Variants in ZBTB20 observed in about 807,000 individuals in gnomAD.
ZBTB20 encodes the protein zinc finger and BTB domain containing 20.
In ZBTB20, 9 loss-of-function variants were observed where a neutral mutation model predicts 56.9. That is an observed-to-expected ratio of 0.16 (90% CI 0.10 to 0.28). The LOEUF (loss-of-function observed/expected upper bound fraction) is 0.28. Among genes scored for constraint, ZBTB20 ranks in the 10% least tolerant of loss-of-function variants. ZBTB20 has a pLI of 1.00. For synonymous variants in ZBTB20, 417 were observed against 420.7 expected (o/e 0.99, Z 0.11); for missense variants, 655 against 1,003.0 (o/e 0.65, Z 4.69).
chr3:114,456,122 A>G (rs534571363), intron 7 of ZBTB20, among the ~76,000 whole-genome samples: 1 of 152,212 alleles, frequency 6.6e-6, no homozygotes, highest in African/African-American at 2.4e-5. Context: ...CAATTTCTCA[A>G]AATGTTTAAA....
chr3:114,660,106 T>C (rs1351868864), intron 6 of ZBTB20, among the ~76,000 whole-genome samples: 1 of 152,120 alleles, frequency 6.6e-6, no homozygotes, highest in African/African-American at 2.4e-5. Context: ...CTTGTGCTTG[T>C]TTAAGAAAAT....
At chr3:114,434,428 G>C (rs2090355659) in intron 7 of ZBTB20, among the ~76,000 whole-genome samples, 1 of 152,016 alleles carries the variant, frequency 6.6e-6, no homozygotes, top group African/African-American at 2.4e-5. Context: ...AATAGAATTT[G>C]AATGTCCTGG....
At chr3:114,725,814 C>A (rs531370251) in intron 5 of ZBTB20, among the ~76,000 whole-genome samples, 180 of 152,264 alleles carry the variant, frequency 1.2e-3, no homozygotes, top group Non-Finnish European at 2.0e-3. Flanking sequence ...AAGGCATCAA[C>A]ATGAGAAAAG....
At chr3:114,702,133 T>G (rs1421827588) in intron 5 of ZBTB20, among the ~76,000 whole-genome samples, 1 of 151,234 alleles carries the variant, frequency 6.6e-6, no homozygotes, top group Non-Finnish European at 1.5e-5. Flanking sequence ...AGCCCAGGAG[T>G]TTGAGACCAG....
At chr3:114,516,104 G>C (rs2045960079) in intron 6 of ZBTB20, among the ~76,000 whole-genome samples, 1 of 151,442 alleles carries the variant, frequency 6.6e-6, no homozygotes, top group Non-Finnish European at 1.5e-5. Flanking sequence ...TTAAAGGTCA[G>C]GTTCACTGAG....
At chr3:114,528,747 G>C (rs2047511614) in intron 6 of ZBTB20, 1 of 152,158 alleles carries the variant, frequency 6.6e-6, no homozygotes, top group Non-Finnish European at 1.5e-5. Context: ...TCTGAAATGG[G>C]AGGGTTTTGA....
At position 114,560,807 on chromosome 3, in the gene ZBTB20, C is replaced by T. The variant is rs74726815; in HGVS notation, c.-294-60416G>A. ...GCTGTGGTAATTTCTTAAAATAAGA[C>T]AACAATGAAGTTTGCCACATGATTG... On this transcript the variant is annotated intron_variant, in intron 6 of 11. Transcript: ENST00000675478. Among the ~76,000 whole-genome samples, 202 of 152,188 alleles carry T rather than the reference C, an allele frequency of 1.3e-3. 1 individual carries two copies. Among genetic ancestry groups the T allele is most frequent in the East Asian group, 0.01 (53 of 5,170 alleles).
At chr3:114,905,256 A>G (rs934061179) in intron 3 of ZBTB20, among the ~76,000 whole-genome samples, 1 of 151,950 alleles carries the variant, frequency 6.6e-6, no homozygotes, top group African/African-American at 2.4e-5. Context: ...AATATTAAAA[A>G]TTATATTTTC....
chr3:114,760,670 A>G (rs1263993209), intron 5 of ZBTB20, among the ~76,000 whole-genome samples: 1 of 152,224 alleles, frequency 6.6e-6, no homozygotes, highest in Non-Finnish European at 1.5e-5. Context: ...TATCATCAAA[A>G]AAGCATGCAG....
intron 6 of ZBTB20, among the ~76,000 whole-genome samples, chr3:114,611,472 C>T (rs2057546556): frequency 6.6e-6 from 1 of 152,222 alleles, no homozygotes; most frequent in South Asian, 2.1e-4. Flanking sequence ...TAACAAAGCT[C>T]TCACAGGTTG....
At chr3:114,585,946 G>A (rs970160703) in intron 6 of ZBTB20, among the ~76,000 whole-genome samples, 2 of 152,194 alleles carry the variant, frequency 1.3e-5, no homozygotes, top group South Asian at 2.1e-4. Context: ...GAGCCAAAAC[G>A]TCAGCAGGGC....
intron 6 of ZBTB20, among the ~76,000 whole-genome samples, chr3:114,594,266 C>CTT (rs1001656979): frequency 3.0e-4 from 40 of 132,278 alleles, no homozygotes; most frequent in East Asian, 1.1e-3. Context: ...TTCTCATATT[C>CTT]TTTTTTTTTT....
intron 7 of ZBTB20, among the ~76,000 whole-genome samples, chr3:114,401,362 C>T (rs1188895604): frequency 2.0e-5 from 3 of 152,130 alleles, no homozygotes; most frequent in Admixed American, 6.6e-5. Flanking sequence ...CACTCTTATA[C>T]TGCATAAAAA....
chr3:114,863,571 T>C (rs2075632707), intron 4 of ZBTB20, among the ~76,000 whole-genome samples: 1 of 152,122 alleles, frequency 6.6e-6, no homozygotes, highest in African/African-American at 2.4e-5. Flanking sequence ...GCTAATGACC[T>C]CATTTGAGGT....
At chr3:115,029,087 A>C (rs1398371205) in intron 2 of ZBTB20, among the ~76,000 whole-genome samples, 1 of 150,696 alleles carries the variant, frequency 6.6e-6, no homozygotes. Context: ...ACACACACAC[A>C]CCAAAAACAG....
At chr3:114,633,408 C>T (rs2059074935) in intron 6 of ZBTB20, among the ~76,000 whole-genome samples, 2 of 152,214 alleles carry the variant, frequency 1.3e-5, no homozygotes, top group Admixed American at 6.5e-5. Flanking sequence ...TCTTTCACTA[C>T]AATTTTTTTT....
chr3:114,511,981 T>C (rs931568394), intron 6 of ZBTB20, among the ~76,000 whole-genome samples: 2 of 152,026 alleles, frequency 1.3e-5, no homozygotes, highest in Non-Finnish European at 1.5e-5. Flanking sequence ...CTGAAAAAAA[T>C]AGGGTTGTTG....
At chr3:115,140,200 T>A (rs1274605190) in intron 1 of ZBTB20, among the ~76,000 whole-genome samples, 1 of 152,086 alleles carries the variant, frequency 6.6e-6, no homozygotes, top group Non-Finnish European at 1.5e-5. Flanking sequence ...ATCATGTAAC[T>A]AATTAATGGC....
intron 6 of ZBTB20, among the ~76,000 whole-genome samples, chr3:114,677,211 C>A (rs1578289130): frequency 6.6e-6 from 1 of 152,280 alleles, no homozygotes; most frequent in East Asian, 1.9e-4. Context: ...TAAGGTAGAT[C>A]TTTAGTAAAT....
Sources: allele counts gnomAD v4.1 joint callset (sites outside exome capture counted in the v4.1 genomes callset), GRCh38; gene constraint gnomAD v4.1.1; transcripts MANE v1.5; gene names NCBI Gene and HGNC (gene_info 2026-07-23, HGNC 2026-07-21).